CDH13: variants seen among roughly 807,000 people sequenced by gnomAD.
The protein encoded by CDH13 is cadherin 13, also known as cadherin-13.
Under a neutral mutation model 63.8 loss-of-function variants are expected in CDH13, and 24 were observed. The observed-to-expected ratio is 0.38, with a 90% CI of 0.27 to 0.53. The LOEUF (loss-of-function observed/expected upper bound fraction) is 0.53. Among genes scored for constraint, CDH13 ranks in the 20% least tolerant of loss-of-function variants. The pLI, the probability that CDH13 is intolerant of heterozygous loss-of-function variation, is 0.85. For synonymous variants in CDH13, 503 were observed against 355.3 expected, an observed-to-expected ratio of 1.42 and a Z score of -4.67; for missense variants, 1,049 against 903.1, an observed-to-expected ratio of 1.16 and a Z score of -2.07.
chr16:83,456,231 T>C (rs1247679485), intron 6 of CDH13, among the ~76,000 whole-genome samples: 1 of 152,032 alleles, frequency 6.6e-6, no homozygotes, highest in Admixed American at 6.5e-5. Flanking sequence ...CAGACAAAAA[T>C]AAGGATGTCG....
At chr16:83,687,319 G>T (rs1173662864) in intron 10 of CDH13, among the ~76,000 whole-genome samples, 1 of 152,170 alleles carries the variant, frequency 6.6e-6, no homozygotes, top group Non-Finnish European at 1.5e-5. Flanking sequence ...TTGTCTCATG[G>T]CTCTGCAGGC....
intron 2 of CDH13, among the ~76,000 whole-genome samples, chr16:82,988,172 T>A (rs936927589): frequency 2.0e-5 from 3 of 152,224 alleles, no homozygotes; most frequent in Non-Finnish European, 4.4e-5. Context: ...GCATATGTGG[T>A]GTGTGTATGT....
At chr16:83,185,200 T>C (rs1348916610) in intron 4 of CDH13, among the ~76,000 whole-genome samples, 2 of 152,198 alleles carry the variant, frequency 1.3e-5, no homozygotes, top group Non-Finnish European at 2.9e-5. Context: ...TCTGTGCTCT[T>C]TGCTGGTCTA....
intron 6 of CDH13, among the ~76,000 whole-genome samples, chr16:83,407,613 C>G (rs570774922): frequency 6.6e-6 from 1 of 152,034 alleles, no homozygotes; most frequent in Non-Finnish European, 1.5e-5. Context: ...TTCAAATATA[C>G]CTAAAGAAGG....
intron 2 of CDH13, among the ~76,000 whole-genome samples, chr16:82,919,885 C>T (rs949443040): frequency 6.6e-6 from 1 of 152,152 alleles, no homozygotes; most frequent in Non-Finnish European, 1.5e-5. Flanking sequence ...AATAATAGTC[C>T]TTGCCTTATT....
At chr16:83,161,125 A>G (rs1214035321) in intron 4 of CDH13, among the ~76,000 whole-genome samples, 2 of 152,176 alleles carry the variant, frequency 1.3e-5, no homozygotes, top group African/African-American at 2.4e-5. Flanking sequence ...TGAATTTTTG[A>G]TATCATTTGT....
chr16:82,680,585 T>C (rs1439570144), intron 1 of CDH13, among the ~76,000 whole-genome samples: 1 of 152,186 alleles, frequency 6.6e-6, no homozygotes, highest in Non-Finnish European at 1.5e-5. Flanking sequence ...GAGTGAGACA[T>C]AAATGGGTTA....
chr16:83,618,537 G>A (rs1909505930), intron 8 of CDH13, among the ~76,000 whole-genome samples: 2 of 152,058 alleles, frequency 1.3e-5, no homozygotes, highest in South Asian at 4.2e-4. Flanking sequence ...CCTCACTGTG[G>A]CACAAAATGC....
chr16:83,071,287 A>G (rs1323301124), intron 3 of CDH13, among the ~76,000 whole-genome samples: 2 of 152,114 alleles, frequency 1.3e-5, no homozygotes, highest in Non-Finnish European at 2.9e-5. Context: ...GTATTATTTA[A>G]TCCTCACATA....
intron 7 of CDH13, among the ~76,000 whole-genome samples, chr16:83,487,244 C>T (rs959589226): frequency 1.3e-5 from 2 of 152,216 alleles, no homozygotes; most frequent in African/African-American, 4.8e-5. Flanking sequence ...CCTGCTCTTT[C>T]GTTTTGCCTG....
At chr16:83,779,845 G>T (rs1915395554) in intron 11 of CDH13, 123 bp from the exon 12 acceptor site, 1 of 668,986 alleles carries the variant, frequency 1.5e-6, no homozygotes, top group African/African-American at 1.8e-5. Context: ...GCGATAGAGT[G>T]AGACCCTGTC....
chr16:83,651,174 G>C (rs1912338612), intron 8 of CDH13, among the ~76,000 whole-genome samples: 1 of 152,132 alleles, frequency 6.6e-6, no homozygotes, highest in East Asian at 1.9e-4. Context: ...AAGTAGTTTA[G>C]ATAACAAGGG....
chr16:82,776,117 T>C (rs1597540063), intron 1 of CDH13, among the ~76,000 whole-genome samples: 1 of 151,848 alleles, frequency 6.6e-6, no homozygotes, highest in African/African-American at 2.4e-5. Flanking sequence ...GGGTGAGGCA[T>C]GAGAATCGCT....
At chr16:83,072,170 G>C (rs2032486094) in intron 3 of CDH13, among the ~76,000 whole-genome samples, 1 of 152,100 alleles carries the variant, frequency 6.6e-6, no homozygotes, top group Non-Finnish European at 1.5e-5. Context: ...TACCCTTAAA[G>C]CTAATCTCAA....
intron 6 of CDH13, among the ~76,000 whole-genome samples, chr16:83,372,749 T>TCAAAAAAAAAA (rs1555537364): frequency 1.0e-5 from 1 of 95,574 alleles, no homozygotes; most frequent in Non-Finnish European, 2.0e-5. Flanking sequence ...AGACTCGGTC[T>TCAAAAAAAAAA]AAAAAAAAAA....
At chr16:82,934,440 C>T (rs1406131710) in intron 2 of CDH13, among the ~76,000 whole-genome samples, 1 of 152,194 alleles carries the variant, frequency 6.6e-6, no homozygotes, top group Non-Finnish European at 1.5e-5. Flanking sequence ...CCATCTAGGC[C>T]TCAGGGCCTG....
At chr16:82,980,404 G>T (rs1910107750) in intron 2 of CDH13, among the ~76,000 whole-genome samples, 1 of 152,200 alleles carries the variant, frequency 6.6e-6, no homozygotes, top group Non-Finnish European at 1.5e-5. Context: ...TGGGTAAACA[G>T]AAGCTATCCA....
chr16:83,380,693 T>G (rs2091549103), intron 6 of CDH13, among the ~76,000 whole-genome samples: 1 of 152,080 alleles, frequency 6.6e-6, no homozygotes, highest in Admixed American at 6.5e-5. Flanking sequence ...AGCCTTCACC[T>G]CCATATTCTA....
intron 1 of CDH13, among the ~76,000 whole-genome samples, chr16:82,766,360 A>G (rs535232907): frequency 2.6e-5 from 4 of 152,362 alleles, no homozygotes; most frequent in East Asian, 3.9e-4. Context: ...TTGCCTGAAT[A>G]CTGAAGAAAA....
Sources: gnomAD v4.1 joint callset for allele counts (sites outside exome capture counted in the v4.1 genomes callset) on GRCh38, gnomAD v4.1.1 for gene constraint, MANE v1.5 for transcripts, NCBI Gene and HGNC (gene_info 2026-07-23, HGNC 2026-07-21) for gene names.